Variants in MUC5B observed in about 807,000 individuals in gnomAD.
MUC5B encodes the protein mucin-5B.
A neutral mutation model predicts 376.9 loss-of-function variants in MUC5B; 116 were observed. The observed-to-expected ratio is 0.31, with a 90% CI of 0.26 to 0.36. The LOEUF (loss-of-function observed/expected upper bound fraction) is 0.36, where lower values mean the gene tolerates loss of function less well. MUC5B is among the 10% of genes least tolerant of loss of function. MUC5B has a pLI of 1.00. For missense variants in MUC5B, 7,165 were observed against 7,769.9 expected, an observed-to-expected ratio of 0.92 and a Z score of 2.93; for synonymous variants, 3,517 against 3,390.9, an observed-to-expected ratio of 1.04 and a Z score of -1.29.
In MUC5B at chr11:1,242,002, A is replaced by T; in HGVS notation, c.5122A>T (p.Thr1708Ser). 6.3e-7 allele frequency: 1 copy of T among 1,588,404 alleles called. No individual in the cohort carries two copies. The highest frequency in any genetic ancestry group is 2.3e-5 in the East Asian group (1 of 43,056). Residue 1708 changes from threonine to serine, a missense_variant, in exon 31 of 49, where the codon ACA (threonine) becomes TCA (serine). Transcript: ENST00000529681. ...ALPGTTGSLGTWRPSQPPTLA... is the reference protein window; with the variant it reads ...ALPGTTGSLGSWRPSQPPTLA... ...TCCAGGGACGACGGGGAGCTTGGGCACATGGCGCCCCTCACAGCCACCCAC... is the reference window on the plus strand; with the variant it reads ...TCCAGGGACGACGGGGAGCTTGGGCTCATGGCGCCCCTCACAGCCACCCAC...
chr11:1,225,631 C>A, intron 1 of MUC5B, 50 bp from the exon 2 acceptor site: 1 of 1,531,996 alleles, frequency 6.5e-7, no homozygotes. Context: ...GGGTTCGTGG[C>A]TGGCAGCCAC....
In MUC5B at chr11:1,250,152, G is replaced by A; in HGVS notation, c.13272G>A (p.Leu4424=). 2 of 1,608,276 alleles carry A rather than the reference G, an allele frequency of 1.2e-6. No individual in the cohort carries two copies. Among genetic ancestry groups the A allele is most frequent in the Non-Finnish European group, 1.7e-6 (2 of 1,176,948 alleles). The stretch of plus-strand genomic sequence containing the variant: ...GGACCACCTGGATCCTCACAGAGCT[G>A]ACCACAACAGCCACTACGACTGCGT... ...TPGTTWILTE[L]TTTATTTAST... The change falls in exon 31 of 49, where the codon CTG becomes CTA. Residue 4424 remains leucine (L), a synonymous_variant. Coordinates refer to ENST00000529681, the MANE Select transcript of MUC5B (RefSeq NM_002458.3).
At chr11:1,259,160 C>A in intron 44 of MUC5B, 99 bp downstream of exon 44, 14 of 1,248,376 alleles carry the variant, frequency 1.1e-5, no homozygotes, top group Non-Finnish European at 1.5e-5. Context: ...GAGTCACCCG[C>A]CCCCAGGTGA....
chr11:1,259,011 C>G lies in MUC5B; in HGVS notation c.16663C>G (p.Pro5555Ala). The change falls in exon 44 of 49, where the codon CCA (proline) becomes GCA (alanine). Residue 5555 changes from proline (P) to alanine (A), a missense_variant. Transcript: ENST00000529681. ...CTGCCTCTCTGGGGACACCCAGGAC[C>G]CAACGGTGCAATGTCAGGAGGATGC... is the stretch of plus-strand genomic sequence containing the variant. Reference protein sequence around the residue: ...CTCLSGDTQDPTVQCQEDACN... With the variant: ...CTCLSGDTQDATVQCQEDACN... 1 of 1,560,426 alleles carries G rather than the reference C, an allele frequency of 6.4e-7. No individual in the cohort carries two copies. The highest frequency in any genetic ancestry group is 8.7e-7 in the Non-Finnish European group (1 of 1,153,170).
At position 1,242,363 on chromosome 11, in the gene MUC5B, T is replaced by C. The variant is rs543936846; in HGVS notation, c.5483T>C (p.Ile1828Thr). The change falls in exon 31 of 49, where the codon ATA (isoleucine) becomes ACA (threonine). Residue 1828 changes from isoleucine to threonine, a missense_variant. By Grantham distance (89) the Ile-to-Thr change is moderately conservative. Transcript: ENST00000529681. ...AAGATGTGCTGGGCACCAAAGAGCA[T>C]AGAGTGCCGGGCGGAGAACTACCCC... ...GGKMCWAPKS[I>T]ECRAENYPEV... The C allele has an allele frequency of 1.9e-6, 3 of 1,613,772 alleles. No homozygotes were observed. The highest frequency in any genetic ancestry group is 1.3e-5 in the African/African-American group (1 of 74,978).
chr11:1,234,998 G>T lies in MUC5B; in HGVS notation c.2631-87G>T. On this transcript the variant is annotated intron_variant, in intron 21 of 48. Coordinates refer to ENST00000529681, the MANE Select transcript of MUC5B (RefSeq NM_002458.3). This position sits in a 1 kb window ranked among gnomAD's most constrained non-coding sequence, Gnocchi z 6.3. Reference sequence around the variant, plus strand: ...GGGCCTGGGGAGGCTGAGGCCCCGTGCTGACCTGCACAGGCCTGGGTGCCG... The same window carrying T: ...GGGCCTGGGGAGGCTGAGGCCCCGTTCTGACCTGCACAGGCCTGGGTGCCG... 2 of 1,492,732 alleles carry T rather than the reference G, an allele frequency of 1.3e-6. No homozygotes were observed. Among genetic ancestry groups the T allele is most frequent in the Non-Finnish European group, 1.8e-6 (2 of 1,122,210 alleles). 92.5% of individuals were successfully genotyped at this position (1,492,732 alleles called of 1,614,324 possible). A position where few individuals can be genotyped will look rare whatever the true frequency, so the allele number is the denominator to read the frequency against.
In MUC5B at chr11:1,241,287, G is replaced by T; in HGVS notation, c.4407G>T (p.Trp1469Cys). ...QTTATEKTTLWVTPSIRSTAA... is the reference protein window; with the variant it reads ...QTTATEKTTLCVTPSIRSTAA... Reference sequence around the variant, plus strand: ...CAGCAACCGAAAAGACCACCCTATGGGTGACCCCGAGCATCCGGTCGACGG... The same window carrying T: ...CAGCAACCGAAAAGACCACCCTATGTGTGACCCCGAGCATCCGGTCGACGG... The change falls in exon 31 of 49, where the codon TGG becomes TGT. Residue 1469 changes from tryptophan to cysteine, a missense_variant. Coordinates refer to ENST00000529681, the MANE Select transcript of MUC5B (RefSeq NM_002458.3). The T allele has an allele frequency of 6.3e-7, 1 of 1,599,176 alleles. No homozygotes were observed. Among genetic ancestry groups the T allele is most frequent in the East Asian group, 2.3e-5 (1 of 43,932 alleles).
intron 5 of MUC5B, 40 bp downstream of exon 5, chr11:1,227,185 C>T: frequency 6.3e-7 from 1 of 1,589,992 alleles, no homozygotes; most frequent in Non-Finnish European, 8.6e-7. Flanking sequence ...TCAGGCCTGG[C>T]CACAAAACCC....
rs1862801967 is a variant in MUC5B, at chr11:1,255,130, G to A, written c.15754G>A (p.Val5252Ile). The A allele has an allele frequency of 1.3e-6, 2 of 1,578,136 alleles. No homozygotes were observed. Among genetic ancestry groups the A allele is most frequent in the East Asian group, 2.4e-5 (1 of 42,500 alleles). The stretch of plus-strand genomic sequence containing the variant: ...CAAGGACATGGCCAAGACGTGGCTG[G>A]TCCCCGACAGCAGAAAGGATGGCTG... ...SCKDMAKTWLVPDSRKDGCWA... is the reference protein window; with the variant it reads ...SCKDMAKTWLIPDSRKDGCWA... The change falls in exon 36 of 49, where the codon GTC becomes ATC. Residue 5252 changes from valine to isoleucine, a missense_variant. Val to Ile is a conservative substitution (Grantham distance 29). Transcript: ENST00000529681.
In MUC5B at chr11:1,239,897, T is replaced by A; in HGVS notation, c.3682T>A (p.Tyr1228Asn). Residue 1228 changes from tyrosine (Y) to asparagine (N), a missense_variant, in exon 28 of 49, where the codon TAT (tyrosine) becomes AAT (asparagine). This residue lies in a region of MUC5B where 517 missense variants were observed against 545.3 expected (regional missense o/e 0.95). Coordinates refer to ENST00000529681, the MANE Select transcript of MUC5B (RefSeq NM_002458.3). The stretch of plus-strand genomic sequence containing the variant: ...CTGCTACGACAAGGACGGAAACTAC[T>A]ATGACGTCGGTGCAAGGGTCCCCAC... ...CGCYDKDGNY[Y>N]DVGARVPTAE... The A allele has an allele frequency of 6.2e-7, 1 of 1,613,356 alleles. No homozygotes were observed. Among genetic ancestry groups the A allele is most frequent in the Middle Eastern group, 1.7e-4 (1 of 6,056 alleles).
In MUC5B at chr11:1,258,879, G is replaced by A; in HGVS notation, c.16594-63G>A. On this transcript the variant is annotated intron_variant, in intron 43 of 48. Coordinates refer to ENST00000529681, the MANE Select transcript of MUC5B (RefSeq NM_002458.3). The surrounding 1 kb of genome is among the most constrained non-coding windows in gnomAD (Gnocchi z 5.5). ...TCCCTGCAGGCCCCATTGGGTCATGGGGAGGGGTCCTGGCCCTGTTGCCCC... is the reference window on the plus strand; with the variant it reads ...TCCCTGCAGGCCCCATTGGGTCATGAGGAGGGGTCCTGGCCCTGTTGCCCC... The A allele has an allele frequency of 6.5e-7, 1 of 1,542,736 alleles. No homozygotes were observed. Among genetic ancestry groups the A allele is most frequent in the Middle Eastern group, 1.8e-4 (1 of 5,476 alleles).
In MUC5B at chr11:1,226,680, G is replaced by C; in HGVS notation, c.265G>C (p.Asp89His). ...TWGDFHYKTF[D>H]GDVFRFPGLC... ...GGGTGACTTCCACTACAAGACCTTC[G>C]ACGGCGACGTCTTCCGCTTCCCTGG... The change falls in exon 4 of 49, where the codon GAC (aspartate) becomes CAC (histidine). Residue 89 changes from aspartate (D) to histidine (H), a missense_variant. Around this residue, in one of 31 missense-constraint regions of MUC5B, gnomAD observed 640 missense variants for 733.0 expected, o/e 0.87. Coordinates refer to ENST00000529681, the MANE Select transcript of MUC5B (RefSeq NM_002458.3). The C allele has an allele frequency of 1.9e-6, 3 of 1,612,570 alleles. No individual in the cohort carries two copies. The highest frequency in any genetic ancestry group is 2.5e-6 in the Non-Finnish European group (3 of 1,179,760).
At chr11:1,261,152 G>A (rs1175495560) in intron 48 of MUC5B, among the ~76,000 whole-genome samples, 1 of 152,242 alleles carries the variant, frequency 6.6e-6, no homozygotes, top group East Asian at 1.9e-4. Flanking sequence ...GGAGGAGCTG[G>A]TTCAGACAGG....
chr11:1,257,367 C>A lies in MUC5B; in HGVS notation c.16269+96C>A, dbSNP rs2672786. ...CCCATCCCACAGGGCAGCTGTGGGG[C>A]GCCCGAGTGTGACGTGGACGTGCCA... is the stretch of plus-strand genomic sequence containing the variant. On this transcript the variant is annotated intron_variant, in intron 40 of 48. Transcript: ENST00000529681. The surrounding 1 kb of genome is among the most constrained non-coding windows in gnomAD (Gnocchi z 8.9). 1 of 875,700 alleles carries A rather than the reference C, an allele frequency of 1.1e-6. No homozygotes were observed. Among genetic ancestry groups the A allele is most frequent in the Non-Finnish European group, 1.9e-6 (1 of 516,424 alleles). 54.2% of individuals were successfully genotyped at this position (875,700 alleles called of 1,614,324 possible). A position where few individuals can be genotyped will look rare whatever the true frequency, so the allele number is the denominator to read the frequency against.
At position 1,241,126 on chromosome 11, in the gene MUC5B, C is replaced by G; in HGVS notation, c.4246C>G (p.Leu1416Val). The change falls in exon 31 of 49, where the codon CTC becomes GTC. Residue 1416 changes from leucine to valine, a missense_variant. By Grantham distance (32) the Leu-to-Val change is conservative. This residue lies in a region of MUC5B where 517 missense variants were observed against 545.3 expected (regional missense o/e 0.95). Transcript: ENST00000529681. ...MCANSQQSPP[L>V]CHDYELRVLC... The stretch of plus-strand genomic sequence containing the variant: ...CGCCAACAGCCAACAGAGTCCCCCG[C>G]TCTGTCACGACTACGAGCTGCGGGT... The G allele has an allele frequency of 6.2e-7, 1 of 1,611,894 alleles. No homozygotes were observed. The highest frequency in any genetic ancestry group is 1.3e-5 in the African/African-American group (1 of 75,036).
In MUC5B at chr11:1,250,741, A is replaced by C. The variant is rs1862657314; in HGVS notation, c.13861A>C (p.Thr4621Pro). ...ACTCACGCCTCCAGTGTGGATCAGC[A>C]CAACCACCACACCCACAACCACCAC... Reference protein sequence around the residue: ...TALTPPVWISTTTTPTTTTPT... With the variant: ...TALTPPVWISPTTTPTTTTPT... The change falls in exon 31 of 49, where the codon ACA (threonine) becomes CCA (proline). Residue 4621 changes from threonine (T) to proline (P), a missense_variant. Thr to Pro is a conservative substitution (Grantham distance 38, BLOSUM62 -1). Around this residue, in one of 31 missense-constraint regions of MUC5B, gnomAD observed 730 missense variants for 592.7 expected, o/e 1.23. Coordinates refer to ENST00000529681, the MANE Select transcript of MUC5B (RefSeq NM_002458.3). 6.2e-7 allele frequency: 1 copy of C among 1,600,728 alleles called. No individual in the cohort carries two copies. The highest frequency in any genetic ancestry group is 1.7e-5 in the Admixed American group (1 of 59,728).
rs369818141 is a variant in MUC5B at position 1,252,389 on chromosome 11, C to G, written c.14910C>G (p.Tyr4970Ter). Reference protein sequence around the residue: ...NKTDRAGCHFYAVCNQHCDID... With the variant: ...NKTDRAGCHF ...CCGACCGAGCCGGCTGCCATTTCTA[C>G]GCAGTGTGCAATCAGCACTGTGACA... Residue 4970 changes from tyrosine to a stop codon, truncating the protein, a stop_gained, in exon 32 of 49, where the codon TAC becomes TAG. Transcript: ENST00000529681. LOFTEE classifies it high-confidence loss of function. 30 of 1,601,128 alleles carry G rather than the reference C, an allele frequency of 1.9e-5. No homozygotes were observed. The African/African-American group carries it at 3.9e-4, about 21-fold the overall frequency.
chr11:1,246,497 T>C lies in MUC5B; in HGVS notation c.9617T>C (p.Ile3206Thr), dbSNP rs202001610. The change falls in exon 31 of 49, where the codon ATC becomes ACC. Residue 3206 changes from isoleucine to threonine, a missense_variant. Around this residue, in one of 31 missense-constraint regions of MUC5B, gnomAD observed 939 missense variants for 770.6 expected, o/e 1.22. Transcript: ENST00000529681. ...AGCACGGCCACCACACCCACAGTCATCAGCTCCAGAGCCACTCCCTCCTCC... is the reference window on the plus strand; with the variant it reads ...AGCACGGCCACCACACCCACAGTCACCAGCTCCAGAGCCACTCCCTCCTCC... ...LTSTATTPTVISSRATPSSSP... is the reference protein window; with the variant it reads ...LTSTATTPTVTSSRATPSSSP... 0.028 allele frequency: 44,147 copies of C among 1,602,608 alleles called. 962 individuals carry two copies. The highest frequency in any genetic ancestry group is 0.03 in the Non-Finnish European group (35,127 of 1,173,260).
At position 1,252,324 on chromosome 11, in the gene MUC5B, A is replaced by G. The variant is rs1452773903; in HGVS notation, c.14864-19A>G. 12 of 1,526,452 alleles carry G rather than the reference A, an allele frequency of 7.9e-6. No homozygotes were observed. The highest frequency in any genetic ancestry group is 1.1e-5 in the Non-Finnish European group (12 of 1,135,178). The allele number at this position is 1,526,452 out of a possible 1,614,324, so 94.6% of individuals were successfully genotyped here. ...ATCTCTGGGAGTGGCTTATCTTTCT[A>G]TGGTGTTGTTCTTCACAGGGGAAGT... is the stretch of plus-strand genomic sequence containing the variant. On this transcript the variant is annotated intron_variant, in intron 31 of 48. Transcript: ENST00000529681.
Sources: gnomAD v4.1 joint callset for allele counts (sites outside exome capture counted in the v4.1 genomes callset) on GRCh38, gnomAD v4.1.1 for gene constraint, gnomAD v4.1.1 regional missense constraint, Gnocchi (gnomAD v3.1) non-coding constraint, MANE v1.5 for transcripts, NCBI Gene and HGNC (gene_info 2026-07-23, HGNC 2026-07-21) for gene names.